NWD2: variants seen among roughly 807,000 people sequenced by gnomAD.
The protein encoded by NWD2 is NACHT and WD repeat domain containing 2.
A neutral mutation model predicts 132.7 loss-of-function variants in NWD2; 37 were observed. That is an observed-to-expected ratio of 0.28 (90% CI 0.21 to 0.37). The LOEUF is 0.37. NWD2 is among the 10% of genes least tolerant of loss of function. NWD2 has a pLI of 1.00. For synonymous variants in NWD2, 705 were observed against 803.0 expected (o/e 0.88, Z 2.06); for missense variants, 1,592 against 2,122.4 (o/e 0.75, Z 4.91).
intron 1 of NWD2, among the ~76,000 whole-genome samples, chr4:37,288,889 G>T (rs1718299879): frequency 6.6e-6 from 1 of 151,964 alleles, no homozygotes; most frequent in African/African-American, 2.4e-5. Flanking sequence ...TGATTATACT[G>T]GATGAATCGG....
chr4:37,399,273 C>G (rs1418678235), intron 3 of NWD2, among the ~76,000 whole-genome samples: 1 of 152,160 alleles, frequency 6.6e-6, no homozygotes, highest in African/African-American at 2.4e-5. Flanking sequence ...GTGGCTGAGG[C>G]AGTGGACCTC....
chr4:37,412,003 T>G (rs1407773816), intron 3 of NWD2, among the ~76,000 whole-genome samples: 2 of 152,168 alleles, frequency 1.3e-5, no homozygotes, highest in Non-Finnish European at 2.9e-5. Flanking sequence ...TAAGAGCTAT[T>G]TATGACAAAC....
Position 37,443,810 on chromosome 4 carries a change from A to C in NWD2, c.1822A>C (p.Thr608Pro). ...TGTGAACAATGCATTATCCAAGTGC[A>C]CACTGCCAATGTTTGTGAACCTGAC... Reference protein sequence around the residue: ...IYVNNALSKCTLPMFVNLTFR... With the variant: ...IYVNNALSKCPLPMFVNLTFR... Residue 608 changes from threonine to proline, a missense_variant, in exon 7 of 7, where the codon ACA becomes CCA. Around this residue, in one of 7 missense-constraint regions of NWD2, gnomAD observed 1,071 missense variants for 1,398.0 expected, o/e 0.77. Coordinates refer to ENST00000309447, the MANE Select transcript of NWD2 (RefSeq NM_001144990.2). The surrounding 1 kb of genome is among the most constrained non-coding windows in gnomAD (Gnocchi z 4.1). 1 of 1,552,170 alleles carries C rather than the reference A, an allele frequency of 6.4e-7. No individual in the cohort carries two copies. The highest frequency in any genetic ancestry group is 2.4e-5 in the East Asian group (1 of 40,928).
At chr4:37,276,210 G>A (rs1159486131) in intron 1 of NWD2, among the ~76,000 whole-genome samples, 1 of 151,952 alleles carries the variant, frequency 6.6e-6, no homozygotes, top group African/African-American at 2.4e-5. Context: ...TCTGACAGAG[G>A]GCTAATATCC....
intron 1 of NWD2, among the ~76,000 whole-genome samples, chr4:37,285,192 G>C (rs1411497868): frequency 6.6e-6 from 1 of 152,086 alleles, no homozygotes; most frequent in Admixed American, 6.6e-5. Flanking sequence ...CTCAAATTTA[G>C]TTCATATGAC....
intron 3 of NWD2, among the ~76,000 whole-genome samples, chr4:37,388,028 T>A (rs1251664809): frequency 6.6e-6 from 1 of 152,192 alleles, no homozygotes; most frequent in Non-Finnish European, 1.5e-5. Context: ...TTGGGCAACT[T>A]GCTGAACCAA....
intron 1 of NWD2, among the ~76,000 whole-genome samples, chr4:37,317,223 T>C (rs1718975492): frequency 6.6e-6 from 1 of 152,224 alleles, no homozygotes; most frequent in Non-Finnish European, 1.5e-5. Context: ...TTGTTTCTGC[T>C]GCCCATGTAA....
intron 3 of NWD2, among the ~76,000 whole-genome samples, chr4:37,384,312 G>T (rs1047685332): frequency 5.3e-5 from 8 of 152,114 alleles, no homozygotes; most frequent in African/African-American, 1.9e-4. Flanking sequence ...TTGTCAAACT[G>T]CAGCACATTC....
chr4:37,380,116 C>A (rs1720423576), intron 3 of NWD2, among the ~76,000 whole-genome samples: 1 of 152,220 alleles, frequency 6.6e-6, no homozygotes, highest in South Asian at 2.1e-4. Flanking sequence ...CTTACAGCAA[C>A]CCTGTGAGTT....
chr4:37,388,621 T>TG (rs1720616695), intron 3 of NWD2, among the ~76,000 whole-genome samples: 1 of 145,262 alleles, frequency 6.9e-6, no homozygotes, highest in African/African-American at 2.6e-5. Context: ...AAAATATATA[T>TG]TTATGTTATA....
rs781685130 is a variant in NWD2 at position 37,445,681 on chromosome 4, C to T, written c.3693C>T (p.Asn1231=). The change falls in exon 7 of 7, where the codon AAC becomes AAT. Residue 1231 remains asparagine, a synonymous_variant. Coordinates refer to ENST00000309447, the MANE Select transcript of NWD2 (RefSeq NM_001144990.2). The surrounding 1 kb of genome is among the most constrained non-coding windows in gnomAD (Gnocchi z 4.7). ...CTGAAAAGTTCAGAGCCAAGCACAA[C>T]GAACGCTTTATATCTGCCGTGCTGT... is the stretch of plus-strand genomic sequence containing the variant. ...KVAEKFRAKH[N]ERFISAVLSK... 2.7e-5 allele frequency: 42 copies of T among 1,551,926 alleles called. 1 individual carries two copies. Among genetic ancestry groups the T allele is most frequent in the South Asian group, 1.1e-4 (9 of 84,060 alleles).
chr4:37,331,965 G>GTGCCCAC (rs1442291810), intron 2 of NWD2, among the ~76,000 whole-genome samples: 1 of 152,184 alleles, frequency 6.6e-6, no homozygotes, highest in Non-Finnish European at 1.5e-5. Context: ...AAATGAGCCA[G>GTGCCCAC]TGCCCACTGA....
chr4:37,341,642 G>A (rs375116849), intron 2 of NWD2, among the ~76,000 whole-genome samples: 1 of 152,168 alleles, frequency 6.6e-6, no homozygotes, highest in African/African-American at 2.4e-5. Flanking sequence ...AGCAGAGAAG[G>A]TGTAAAATAG....
At chr4:37,266,324 A>G (rs770149264) in intron 1 of NWD2, among the ~76,000 whole-genome samples, 2 of 152,062 alleles carry the variant, frequency 1.3e-5, no homozygotes, top group Non-Finnish European at 2.9e-5. Flanking sequence ...TGAAACAGCT[A>G]TGATCAGGAA....
chr4:37,326,472 G>A (rs1454245569), intron 2 of NWD2, among the ~76,000 whole-genome samples: 4 of 152,020 alleles, frequency 2.6e-5, no homozygotes, highest in South Asian at 2.1e-4. Context: ...GTAGAACATC[G>A]TTTTTCCTAT....
chr4:37,435,089 G>A (rs934972775), intron 5 of NWD2, among the ~76,000 whole-genome samples: 1 of 152,176 alleles, frequency 6.6e-6, no homozygotes, highest in Non-Finnish European at 1.5e-5. Flanking sequence ...TGGAAAGGAA[G>A]CTTTATCATT....
At chr4:37,383,779 T>C (rs1720506320) in intron 3 of NWD2, among the ~76,000 whole-genome samples, 1 of 152,072 alleles carries the variant, frequency 6.6e-6, no homozygotes, top group Non-Finnish European at 1.5e-5. Context: ...ACTCTGAACG[T>C]TTTTAGTAAG....
chr4:37,251,061 T>G (rs1212121959), intron 1 of NWD2, among the ~76,000 whole-genome samples: 1 of 152,218 alleles, frequency 6.6e-6, no homozygotes, highest in Non-Finnish European at 1.5e-5. Context: ...GGCGGATCAC[T>G]TGAGGTCAGG....
chr4:37,280,250 T>C (rs1026910158), intron 1 of NWD2, among the ~76,000 whole-genome samples: 2 of 152,198 alleles, frequency 1.3e-5, no homozygotes, highest in Non-Finnish European at 2.9e-5. Flanking sequence ...AACATTGAAA[T>C]AAATGTGAGC....
Sources: gnomAD v4.1 joint callset for allele counts (sites outside exome capture counted in the v4.1 genomes callset) on GRCh38, gnomAD v4.1.1 for gene constraint, gnomAD v4.1.1 regional missense constraint, Gnocchi (gnomAD v3.1) non-coding constraint, MANE v1.5 for transcripts, NCBI Gene and HGNC (gene_info 2026-07-23, HGNC 2026-07-21) for gene names.